The following CSMD2 variants were observed in gnomAD, a reference collection of about 807,000 sequenced individuals.
CSMD2 encodes the protein CUB and sushi domain-containing protein 2.
In CSMD2, 130 loss-of-function variants were observed where a neutral mutation model predicts 398.5. The ratio of observed to expected loss-of-function variants is 0.33; its 90% CI spans 0.28 to 0.38. The LOEUF is 0.38. CSMD2 is among the 10% of genes least tolerant of loss of function. The pLI is 1.00. For synonymous variants in CSMD2, 1,828 were observed against 1,908.5 expected (o/e 0.96, Z 1.10); for missense variants, 3,829 against 4,764.9 (o/e 0.80, Z 5.78).
intron 48 of CSMD2, 26 bp downstream of exon 48, chr1:33,580,727 G>A (rs768627013): frequency 1.2e-6 from 2 of 1,613,532 alleles, no homozygotes; most frequent in Admixed American, 1.7e-5. Flanking sequence ...GAGGGCCTGT[G>A]GCTTATTTGT....
In CSMD2 at chr1:33,780,315, C is replaced by T. The variant is rs146524794; in HGVS notation, c.1664-7564G>A. On this transcript the variant is annotated intron_variant, in intron 12 of 70. Transcript: ENST00000373381. The stretch of plus-strand genomic sequence containing the variant: ...CCACCTGGATTGCCTCAGAACCACA[C>T]CCCACTCTGCTTTTCTACTTCTGAT... Among the ~76,000 whole-genome samples, 81 of 152,334 alleles carry T rather than the reference C, an allele frequency of 5.3e-4. 1 individual carries two copies. Among genetic ancestry groups the T allele is most frequent in the Middle Eastern group, 6.8e-3 (2 of 294 alleles).
chr1:33,743,472 T>C lies in CSMD2; in HGVS notation c.1981A>G (p.Asn661Asp). Residue 661 changes from asparagine (N) to aspartate (D), a missense_variant, in exon 14 of 71, where the codon AAC (asparagine) becomes GAC (aspartate). Transcript: ENST00000373381. Reference protein sequence around the residue: ...RPESRIHLAFNDIDVEPQFDF... With the variant: ...RPESRIHLAFDDIDVEPQFDF... ...AACTGAGGCTCCACGTCAATGTCGT[T>C]GAAGGCCAGGTGGATGCGGCTCTCA... 6.2e-7 allele frequency: 1 copy of C among 1,614,076 alleles called. No homozygotes were observed. The highest frequency in any genetic ancestry group is 8.5e-7 in the Non-Finnish European group (1 of 1,180,016).
intron 3 of CSMD2, among the ~76,000 whole-genome samples, chr1:33,983,416 G>C (rs573385280): frequency 6.6e-6 from 1 of 152,276 alleles, no homozygotes; most frequent in South Asian, 2.1e-4. Flanking sequence ...GGCAAGAAGG[G>C]AGGAAAGAAC....
At chr1:34,092,684 T>A (rs936101618) in intron 1 of CSMD2, among the ~76,000 whole-genome samples, 1 of 152,126 alleles carries the variant, frequency 6.6e-6, no homozygotes, top group Non-Finnish European at 1.5e-5. Context: ...CCCACCCGAA[T>A]ACTGCGCTTT....
intron 5 of CSMD2, among the ~76,000 whole-genome samples, chr1:33,880,818 A>G (rs577852401): frequency 1.7e-4 from 26 of 152,342 alleles, no homozygotes; most frequent in Non-Finnish European, 3.7e-4. Flanking sequence ...AACTTCTTCA[A>G]TTTGGTTCAA....
At chr1:33,893,763 G>A (rs940917008) in intron 5 of CSMD2, among the ~76,000 whole-genome samples, 3 of 152,164 alleles carry the variant, frequency 2.0e-5, no homozygotes, top group African/African-American at 7.2e-5. Flanking sequence ...GTTTGTATGA[G>A]TGTGTGTGTG....
At chr1:34,009,923 T>C (rs970270298) in intron 3 of CSMD2, among the ~76,000 whole-genome samples, 1 of 152,166 alleles carries the variant, frequency 6.6e-6, no homozygotes. Context: ...GGCAATGTTT[T>C]CCTAAGTGGG....
intron 1 of CSMD2, among the ~76,000 whole-genome samples, chr1:34,142,451 A>G (rs2148529039): frequency 6.6e-6 from 1 of 152,250 alleles, no homozygotes; most frequent in African/African-American, 2.4e-5. Context: ...AGCCCAGCGG[A>G]ATTGGCCTTT....
chr1:33,552,373 T>C (rs1657540342), intron 55 of CSMD2, among the ~76,000 whole-genome samples: 1 of 151,984 alleles, frequency 6.6e-6, no homozygotes, highest in Non-Finnish European at 1.5e-5. Context: ...AAATATAGAG[T>C]TCCTATGTGA....
chr1:33,902,851 C>T (rs966273504), intron 5 of CSMD2, among the ~76,000 whole-genome samples: 6 of 152,124 alleles, frequency 3.9e-5, no homozygotes, highest in Non-Finnish European at 8.8e-5. Context: ...GCCTTTCCTC[C>T]TGTCTCTCTG....
intron 1 of CSMD2, among the ~76,000 whole-genome samples, chr1:34,125,532 T>C (rs1161892699): frequency 1.3e-5 from 2 of 149,938 alleles, no homozygotes; most frequent in African/African-American, 2.4e-5. Context: ...TGTGTGTGTG[T>C]GTGTGTGTGT....
In CSMD2 at chr1:34,016,013, CTGTGTGTGTGTGTG is replaced by C. The variant is rs72213161; in HGVS notation, c.517+16567_517+16580del. Among the ~76,000 whole-genome samples, 5 of 149,104 alleles carry C rather than the reference CTGTGTGTGTGTGTG, an allele frequency of 3.4e-5. No individual in the cohort carries two copies. In the South Asian group the frequency reaches 6.5e-4, roughly 19 times the overall value. On this transcript the variant is annotated intron_variant, in intron 3 of 70. Coordinates refer to ENST00000373381, the MANE Select transcript of CSMD2 (RefSeq NM_001281956.2). ...GCCCATTTACACTGGACTCCTTGCTCTGTGTGTGTGTGTGTGTGTGTGTGTGTGTGTATGTGTGT... is the reference window on the plus strand; with the variant it reads ...GCCCATTTACACTGGACTCCTTGCTCTGTGTGTGTGTGTGTGTATGTGTGT...
chr1:33,828,209 A>G (rs1048605536), intron 6 of CSMD2, among the ~76,000 whole-genome samples: 4 of 152,232 alleles, frequency 2.6e-5, no homozygotes, highest in African/African-American at 7.2e-5. Flanking sequence ...TCCAATGAAC[A>G]CTAACATGGA....
Position 33,533,889 on chromosome 1 carries a change from A to G in CSMD2, c.9898T>C (p.Phe3300Leu), listed in dbSNP as rs200605872. ...AGCAGGTAGCCTTTTTGACAACGGA[A>G]GAGGACTGTGCTTCCAACCTGCGGC... ...QGYQVGSTVL[F>L]RCQKGYLLQG... Residue 3300 changes from phenylalanine to leucine, a missense_variant, in exon 63 of 71, where the codon TTC becomes CTC. Coordinates refer to ENST00000373381, the MANE Select transcript of CSMD2 (RefSeq NM_001281956.2). The surrounding 1 kb of genome is among the most constrained non-coding windows in gnomAD (Gnocchi z 4.2). The G allele has an allele frequency of 6.8e-6, 11 of 1,613,614 alleles. No homozygotes were observed. The South Asian group carries it at 1.1e-4, about 16-fold the overall frequency.
intron 11 of CSMD2, 76 bp from the exon 12 acceptor site, chr1:33,788,788 T>C (rs1168922684): frequency 8.1e-6 from 8 of 993,472 alleles, no homozygotes; most frequent in Non-Finnish European, 1.3e-5. Flanking sequence ...ACCGATGACA[T>C]TTAAAGGACT....
intron 6 of CSMD2, among the ~76,000 whole-genome samples, chr1:33,836,865 C>T (rs1165699555): frequency 6.6e-6 from 1 of 152,222 alleles, no homozygotes. Flanking sequence ...ACTGCATCCA[C>T]TGTCCTGCAC....
rs1267053587 is a variant in CSMD2, at chr1:33,707,691, GCGCGCACACACA to G, written c.3576+1386_3576+1397del. ...AACACGCACGCGTGCACACGCGCGC[GCGCGCACACACA>G]CACACACACACACACACACACACAC... On this transcript the variant is annotated intron_variant, in intron 22 of 70. Transcript: ENST00000373381. Among the ~76,000 whole-genome samples the G allele has an allele frequency of 7.8e-3, 445 of 56,872 alleles. 2 individuals carry two copies. The highest frequency in any genetic ancestry group is 0.013 in the East Asian group (18 of 1,390). 37.3% of individuals were successfully genotyped at this position (56,872 alleles called of 152,430 possible).
chr1:33,864,092 C>A lies in CSMD2; in HGVS notation c.921-17096G>T. On this transcript the variant is annotated intron_variant, in intron 5 of 70. Transcript: ENST00000373381. Reference sequence around the variant, plus strand: ...TACAGCTCTTGCAGACAGAAAAATTCGCTGCAAGTACAGCACTTTCTAGAT... The same window carrying A: ...TACAGCTCTTGCAGACAGAAAAATTAGCTGCAAGTACAGCACTTTCTAGAT... 3.5e-6 allele frequency: 4 copies of A among 1,158,762 alleles called. 1 individual carries two copies. The highest frequency in any genetic ancestry group is 3.7e-6 in the Non-Finnish European group (3 of 813,966). The allele number at this position is 1,158,762 out of a possible 1,614,324, so 71.8% of individuals were successfully genotyped here.
chr1:33,803,450 T>G (rs1655850232), intron 10 of CSMD2, among the ~76,000 whole-genome samples: 1 of 152,214 alleles, frequency 6.6e-6, no homozygotes, highest in African/African-American at 2.4e-5. Context: ...CAAAGCATGT[T>G]CCTCCATCTG....
Sources: gnomAD v4.1 joint callset for allele counts (sites outside exome capture counted in the v4.1 genomes callset) on GRCh38, gnomAD v4.1.1 for gene constraint, Gnocchi (gnomAD v3.1) non-coding constraint, MANE v1.5 for transcripts, NCBI Gene and HGNC (gene_info 2026-07-23, HGNC 2026-07-21) for gene names.